Variants in GLYR1 observed in about 807,000 individuals in gnomAD.
GLYR1 encodes the protein glyoxylate reductase 1 homolog.
GLYR1 carries 21 observed loss-of-function variants against 72.7 expected under a neutral mutation model. That is an observed-to-expected ratio of 0.29 (90% CI 0.20 to 0.42). The LOEUF (loss-of-function observed/expected upper bound fraction) is 0.42, where lower values mean the gene tolerates loss of function less well. Among genes scored for constraint, GLYR1 ranks in the 10% least tolerant of loss-of-function variants. GLYR1 has a pLI of 1.00. For missense variants in GLYR1, 594 were observed against 712.1 expected, an observed-to-expected ratio of 0.83 and a Z score of 1.89; for synonymous variants, 392 against 270.2, an observed-to-expected ratio of 1.45 and a Z score of -4.42.
At chr16:4,822,278 G>A (rs1258841860) in intron 7 of GLYR1, among the ~76,000 whole-genome samples, 3 of 151,934 alleles carry the variant, frequency 2.0e-5, no homozygotes, top group Non-Finnish European at 4.4e-5. Context: ...GTAGAGATGG[G>A]GTTTCACCAT....
At chr16:4,810,500 ACT>A (rs1324316172) in intron 15 of GLYR1, among the ~76,000 whole-genome samples, 3 of 151,272 alleles carry the variant, frequency 2.0e-5, no homozygotes, top group East Asian at 1.9e-4. Context: ...ACAGAGTGAG[ACT>A]CTGTCTCAAA....
chr16:4,814,378 T>A (rs1290652263), intron 11 of GLYR1, among the ~76,000 whole-genome samples, 159 bp downstream of exon 11: 2 of 152,226 alleles, frequency 1.3e-5, no homozygotes, highest in Non-Finnish European at 2.9e-5. Flanking sequence ...CTGTATTCAA[T>A]TAATGCAAAC....
At position 4,813,962 on chromosome 16, in the gene GLYR1, A is replaced by G. The variant is rs775058817; in HGVS notation, c.1018-124T>C. 1.1e-5 allele frequency: 7 copies of G among 662,148 alleles called. No homozygotes were observed. The South Asian group carries it at 1.3e-4, about 12-fold the overall frequency. 41.0% of individuals were successfully genotyped at this position (662,148 alleles called of 1,614,324 possible). ...ATTTCCTGATTTCTATCAGCTGAAA[A>G]GGGAAGAACAATGAAATAAGCAAGG... On this transcript the variant is annotated intron_variant, in intron 11 of 15. Coordinates refer to ENST00000321919, the MANE Select transcript of GLYR1 (RefSeq NM_032569.4).
At chr16:4,829,060 A>G (rs557550767) in intron 5 of GLYR1, among the ~76,000 whole-genome samples, 44 of 152,140 alleles carry the variant, frequency 2.9e-4, no homozygotes, top group African/African-American at 9.4e-4. Context: ...CATGTTCCCT[A>G]TAAAGTTCTC....
chr16:4,812,433 C>G (rs978636472), intron 12 of GLYR1, among the ~76,000 whole-genome samples, 185 bp from the exon 13 acceptor site: 2 of 152,128 alleles, frequency 1.3e-5, no homozygotes, highest in Admixed American at 6.6e-5. Context: ...GCAGGTCACA[C>G]AGGCCGAATC....
chr16:4,812,703 G>A (rs2083390408), intron 12 of GLYR1, among the ~76,000 whole-genome samples: 1 of 151,892 alleles, frequency 6.6e-6, no homozygotes, highest in African/African-American at 2.4e-5. Flanking sequence ...ATATTAGCCA[G>A]GATTGTCTTG....
intron 5 of GLYR1, among the ~76,000 whole-genome samples, chr16:4,824,522 A>G (rs1355569337): frequency 1.3e-5 from 2 of 151,908 alleles, no homozygotes; most frequent in Non-Finnish European, 2.9e-5. Flanking sequence ...AAAAGAAAAA[A>G]AAGAAACAGT....
intron 9 of GLYR1, among the ~76,000 whole-genome samples, chr16:4,821,046 C>A (rs1046895847): frequency 1.3e-5 from 2 of 152,254 alleles, no homozygotes; most frequent in Admixed American, 1.3e-4. Flanking sequence ...AATACAAATT[C>A]TTGGGCCCCA....
intron 3 of GLYR1, chr16:4,843,928 T>A (rs891789977): frequency 5.2e-6 from 1 of 193,668 alleles, no homozygotes. Context: ...CTGGCCAACA[T>A]GGTGAAACCC....
At position 4,836,828 on chromosome 16, in the gene GLYR1, AAC is replaced by A. The variant is rs1375964547; in HGVS notation, c.156-3918_156-3917del. ...TATTATATTGGAAAAAAAAAAAAAA[AAC>A]AAAACAAATCAATACTAAAGGCCTC... On this transcript the variant is annotated intron_variant, in intron 3 of 15. Coordinates refer to ENST00000321919, the MANE Select transcript of GLYR1 (RefSeq NM_032569.4). 5.8e-3 allele frequency among the ~76,000 whole-genome samples: 883 copies of A among 151,760 alleles called. 5 individuals carry two copies. Among genetic ancestry groups the A allele is most frequent in the African/African-American group, 0.02 (843 of 41,290 alleles).
intron 3 of GLYR1, among the ~76,000 whole-genome samples, chr16:4,840,773 G>T (rs763992667): frequency 2.0e-5 from 3 of 152,198 alleles, no homozygotes; most frequent in Non-Finnish European, 4.4e-5. Context: ...GAGCAAGGTG[G>T]AACCGGTACC....
At chr16:4,819,254 C>A (rs946181012) in intron 9 of GLYR1, among the ~76,000 whole-genome samples, 2 of 152,096 alleles carry the variant, frequency 1.3e-5, no homozygotes, top group Non-Finnish European at 1.5e-5. Context: ...ATCAGGCAAT[C>A]CTCTCACCTC....
At position 4,821,596 on chromosome 16, in the gene GLYR1, G is replaced by A; in HGVS notation, c.683C>T (p.Pro228Leu). The change falls in exon 8 of 16, where the codon CCA becomes CTA. Residue 228 changes from proline to leucine, a missense_variant and splice_region_variant. Pro to Leu is a moderately conservative substitution (Grantham distance 98). This residue lies in a region of GLYR1 where 252 missense variants were observed against 211.3 expected (regional missense o/e 1.19). Coordinates refer to ENST00000321919, the MANE Select transcript of GLYR1 (RefSeq NM_032569.4). Reference sequence around the variant, plus strand: ...CGTGATTGCCTGGTAACAGACAGCTGGCTAATGAAGGAGGAGGAAAGAGAC... The same window carrying A: ...CGTGATTGCCTGGTAACAGACAGCTAGCTAATGAAGGAGGAGGAAAGAGAC... ...HHFLLSQTEK[P>L]AVCYQAITKK... 1 of 1,613,804 alleles carries A rather than the reference G, an allele frequency of 6.2e-7. No individual in the cohort carries two copies. Among genetic ancestry groups the A allele is most frequent in the Non-Finnish European group, 8.5e-7 (1 of 1,179,884 alleles).
intron 3 of GLYR1, among the ~76,000 whole-genome samples, chr16:4,841,343 C>T (rs1389427928): frequency 2.7e-5 from 4 of 148,844 alleles, no homozygotes; most frequent in South Asian, 2.2e-4. Flanking sequence ...AATCGGGGCT[C>T]GGCGCTGTGG....
chr16:4,820,219 C>T (rs1021097200), intron 9 of GLYR1, among the ~76,000 whole-genome samples: 3 of 152,210 alleles, frequency 2.0e-5, no homozygotes, highest in Admixed American at 2.0e-4. Context: ...GAACTCCTGA[C>T]CTCAGGTAAT....
chr16:4,815,282 T>C (rs2083566847), intron 10 of GLYR1, among the ~76,000 whole-genome samples: 1 of 152,014 alleles, frequency 6.6e-6, no homozygotes, highest in South Asian at 2.1e-4. Flanking sequence ...TTTTTTTTTC[T>C]GTAGAGACAG....
chr16:4,817,723 T>C, intron 9 of GLYR1, 26 bp from the exon 10 acceptor site: 2 of 1,430,256 alleles, frequency 1.4e-6, no homozygotes, highest in South Asian at 2.3e-5. Context: ...ACTGATGAGT[T>C]CAGGGTGGAA....
chr16:4,830,847 T>C (rs1330552326), intron 5 of GLYR1, among the ~76,000 whole-genome samples: 1 of 152,200 alleles, frequency 6.6e-6, no homozygotes, highest in East Asian at 1.9e-4. Flanking sequence ...CACGGCATTC[T>C]TGTGGCAATG....
chr16:4,834,316 T>C (rs912324280), intron 3 of GLYR1, among the ~76,000 whole-genome samples: 8 of 150,632 alleles, frequency 5.3e-5, no homozygotes, highest in Non-Finnish European at 7.4e-5. Context: ...TTTTTTTTTT[T>C]TGAGACGGAG....
Sources: gnomAD v4.1 joint callset for allele counts (sites outside exome capture counted in the v4.1 genomes callset) on GRCh38, gnomAD v4.1.1 for gene constraint, gnomAD v4.1.1 regional missense constraint, MANE v1.5 for transcripts, NCBI Gene and HGNC (gene_info 2026-07-23, HGNC 2026-07-21) for gene names.